CLSPN: variants seen among roughly 807,000 people sequenced by gnomAD.
CLSPN encodes claspin.
CLSPN carries 85 observed loss-of-function variants against 156.3 expected under a neutral mutation model. The ratio of observed to expected loss-of-function variants is 0.54; its 90% CI spans 0.46 to 0.65. The LOEUF is 0.65. CLSPN is among the 30% of genes least tolerant of loss of function. The probability of loss-of-function intolerance (pLI) is 0.00; values close to 1 mark genes in which losing one functional copy is unlikely to be tolerated. For missense variants in CLSPN, 1,407 were observed against 1,554.9 expected (o/e 0.90, Z 1.60); for synonymous variants, 534 against 542.4 (o/e 0.98, Z 0.22).
chr1:35,749,474 G>T lies in CLSPN; in HGVS notation c.2265C>A (p.Ser755Arg), dbSNP rs116366366. 63 of 1,613,988 alleles carry T rather than the reference G, an allele frequency of 3.9e-5. No homozygotes were observed. The African/African-American group carries it at 7.6e-4, about 19-fold the overall frequency. Residue 755 changes from serine to arginine, a missense_variant, in exon 12 of 25, where the codon AGC becomes AGA. Ser to Arg is a moderately radical substitution (Grantham distance 110, BLOSUM62 -1). This residue lies in a region of CLSPN where 1,096 missense variants were observed against 1,193.0 expected (regional missense o/e 0.92). Transcript: ENST00000318121. ...ACAAGAATCACTACTTACCCAGTTTGCTAGGCTGCTTGCCTGAGTTTTCAT... is the reference window on the plus strand; with the variant it reads ...ACAAGAATCACTACTTACCCAGTTTTCTAGGCTGCTTGCCTGAGTTTTCAT... Reference protein sequence around the residue: ...ETDENSGKQPSKLDEDDSCSL... With the variant: ...ETDENSGKQPRKLDEDDSCSL...
chr1:35,741,403 C>T (rs1641684765), intron 18 of CLSPN, among the ~76,000 whole-genome samples: 1 of 152,114 alleles, frequency 6.6e-6, no homozygotes, highest in Non-Finnish European at 1.5e-5. Flanking sequence ...ACTGCACCCT[C>T]CACCTCCCGG....
Position 35,764,367 on chromosome 1 carries a change from T to A in CLSPN, c.481A>T (p.Thr161Ser). 6.2e-7 allele frequency: 1 copy of A among 1,610,790 alleles called. No homozygotes were observed. The highest frequency in any genetic ancestry group is 1.1e-5 in the South Asian group (1 of 89,634). The change falls in exon 3 of 25, where the codon ACT becomes TCT. Residue 161 changes from threonine (T) to serine (S), a missense_variant. Physicochemically the swap from Thr to Ser is moderately conservative, Grantham distance 58 (BLOSUM62 1). Around this residue, in one of 3 missense-constraint regions of CLSPN, gnomAD observed 1,096 missense variants for 1,193.0 expected, o/e 0.92. Transcript: ENST00000318121. ...SKKHIHDKEG[T>S]AGKAKVKSKR... ...GATTTTACTTTTGCTTTTCCTGCAG[T>A]TCCTTCTTTATCATGTATGTGCTTT...
chr1:35,758,767 T>G (rs1030371825), intron 8 of CLSPN, among the ~76,000 whole-genome samples: 4 of 151,646 alleles, frequency 2.6e-5, no homozygotes, highest in Non-Finnish European at 5.9e-5. Flanking sequence ...ATCTTCACCA[T>G]AGCCCACAAG....
At chr1:35,748,275 T>C in intron 13 of CLSPN, 130 bp downstream of exon 13, 1 of 1,005,394 alleles carries the variant, frequency 9.9e-7, no homozygotes, top group Non-Finnish European at 1.5e-6. Context: ...ACAAAGGGGG[T>C]GGATTTTTTA....
intron 8 of CLSPN, among the ~76,000 whole-genome samples, chr1:35,754,274 T>A (rs1247618524): frequency 6.6e-6 from 1 of 152,222 alleles, no homozygotes; most frequent in Non-Finnish European, 1.5e-5. Context: ...AAGATTATAA[T>A]CTCATCTATT....
rs757057393 is a variant in CLSPN at position 35,763,369 on chromosome 1, A to G, written c.583-48T>C. 29 of 1,408,002 alleles carry G rather than the reference A, an allele frequency of 2.1e-5. No homozygotes were observed. In the East Asian group the frequency reaches 5.1e-4, roughly 25 times the overall value. 87.2% of individuals were successfully genotyped at this position (1,408,002 alleles called of 1,614,324 possible). A position where few individuals can be genotyped will look rare whatever the true frequency, so the allele number is the denominator to read the frequency against. The stretch of plus-strand genomic sequence containing the variant: ...GCATAATCCAATCATTTAAAAATCC[A>G]GTATTTCACAACATCATATGGCAAT... On this transcript the variant is annotated intron_variant, in intron 3 of 24. Coordinates refer to ENST00000318121, the MANE Select transcript of CLSPN (RefSeq NM_022111.4).
In CLSPN at chr1:35,746,402, CT is replaced by C. The variant is rs1641882921; in HGVS notation, c.2854+363del. 2.0e-5 allele frequency among the ~76,000 whole-genome samples: 3 copies of C among 151,558 alleles called. No individual in the cohort carries two copies. In the South Asian group the frequency reaches 6.3e-4, roughly 32 times the overall value. On this transcript the variant is annotated intron_variant, in intron 15 of 24. Coordinates refer to ENST00000318121, the MANE Select transcript of CLSPN (RefSeq NM_022111.4). This position sits in a 1 kb window ranked among gnomAD's most constrained non-coding sequence, Gnocchi z 4.2. ...GGTAAGGGGCTTCTTTTCTTTCTTT[CT>C]TTTTTTCTATTTTTATGCAGGGTCT...
Position 35,769,898 on chromosome 1 carries a change from G to A in CLSPN, c.-28C>T. 6.2e-7 allele frequency: 1 copy of A among 1,608,246 alleles called. No individual in the cohort carries two copies. On this transcript the variant is annotated 5_prime_UTR_variant, in exon 1 of 25. Transcript: ENST00000318121. ...CTTCTGCCTCCCCTGCGCTCCACTA[G>A]GGACGGAGCTGTCTCTGATTCCCTC...
At position 35,733,444 on chromosome 1, in the gene CLSPN, C is replaced by T. The variant is rs1641369113; in HGVS notation, c.*3052G>A. The T allele has an allele frequency of 1.0e-6, 1 of 984,606 alleles. No homozygotes were observed. The highest frequency in any genetic ancestry group is 1.2e-6 in the Non-Finnish European group (1 of 829,778). The allele number at this position is 984,606 out of a possible 1,614,324, so 61.0% of individuals were successfully genotyped here. On this transcript the variant is annotated 3_prime_UTR_variant, in exon 25 of 25. Coordinates refer to ENST00000318121, the MANE Select transcript of CLSPN (RefSeq NM_022111.4). ...TGCTGGCGTGAGCCACCGGACCTGG[C>T]TGAATTTTCTTATCCTCAGTTGTCA...
intron 24 of CLSPN, among the ~76,000 whole-genome samples, chr1:35,724,017 G>A (rs1641127437): frequency 1.3e-5 from 2 of 152,040 alleles, no homozygotes; most frequent in African/African-American, 4.8e-5. Flanking sequence ...CAGAAGAGTG[G>A]GCTATAACAA....
Position 35,733,711 on chromosome 1 carries a change from G to C in CLSPN, c.*2785C>G. The C allele has an allele frequency of 1.0e-6, 1 of 985,300 alleles. No individual in the cohort carries two copies. Among genetic ancestry groups the C allele is most frequent in the Non-Finnish European group, 1.2e-6 (1 of 829,796 alleles). The allele number at this position is 985,300 out of a possible 1,614,324, so 61.0% of individuals were successfully genotyped here. A position where few individuals can be genotyped will look rare whatever the true frequency, so the allele number is the denominator to read the frequency against. On this transcript the variant is annotated 3_prime_UTR_variant, in exon 25 of 25. Transcript: ENST00000318121. Reference sequence around the variant, plus strand: ...AAGCTGTAACAGGCTGGGCATGGTGGCTGAGCCTGTGACCCCAGCATTTTG... The same window carrying C: ...AAGCTGTAACAGGCTGGGCATGGTGCCTGAGCCTGTGACCCCAGCATTTTG...
intron 8 of CLSPN, among the ~76,000 whole-genome samples, chr1:35,758,801 CT>C (rs34271691): frequency 9.3e-4 from 129 of 138,266 alleles, no homozygotes; most frequent in African/African-American, 2.0e-3. Flanking sequence ...TTTTCTTTTT[CT>C]TTTTTTTTTT....
exon 25 of CLSPN, chr1:35,720,810 A>T: frequency 1.0e-6 from 1 of 992,548 alleles, no homozygotes; most frequent in South Asian, 1.5e-5. Context: ...TGCCCAGACC[A>T]CAGAGCCATA....
chr1:35,769,812 C>G, intron 1 of CLSPN, 35 bp downstream of exon 1: 1 of 1,582,592 alleles, frequency 6.3e-7, no homozygotes, highest in Non-Finnish European at 8.6e-7. Context: ...GCCCGGCCTT[C>G]TAAGCCCCCG....
intron 10 of CLSPN, 61 bp from the exon 11 acceptor site, chr1:35,749,872 C>G: frequency 6.5e-7 from 1 of 1,547,448 alleles, no homozygotes; most frequent in East Asian, 2.3e-5. Context: ...AAAGCAAATA[C>G]ACTGGTAGCC....
In CLSPN at chr1:35,743,185, A is replaced by G; in HGVS notation, c.3099T>C (p.Asp1033=). 1.2e-6 allele frequency: 2 copies of G among 1,614,096 alleles called. No homozygotes were observed. The highest frequency in any genetic ancestry group is 1.6e-4 in the Middle Eastern group (1 of 6,062). Residue 1033 remains aspartate, a synonymous_variant, in exon 18 of 25, where the codon GAT becomes GAC. Coordinates refer to ENST00000318121, the MANE Select transcript of CLSPN (RefSeq NM_022111.4). The stretch of plus-strand genomic sequence containing the variant: ...CAGATCGCTTCAGGAGTTCTTCTTC[A>G]TCATCATCTTCATGGTCTTCCAGTG... The part of the protein sequence containing the change: ...DLALEDHEDD[D]EEELLKRSEK...
rs1307518079 is a variant in CLSPN at position 35,746,229 on chromosome 1, G to A, written c.2854+537C>T. On this transcript the variant is annotated intron_variant, in intron 15 of 24. Coordinates refer to ENST00000318121, the MANE Select transcript of CLSPN (RefSeq NM_022111.4). This position sits in a 1 kb window ranked among gnomAD's most constrained non-coding sequence, Gnocchi z 4.2. ...CAAAGTGCTGGGATTACAGGCGTGA[G>A]CCACTGCGCCCGGCCTAAAGTAGTC... 6.6e-6 allele frequency among the ~76,000 whole-genome samples: 1 copy of A among 152,194 alleles called. No individual in the cohort carries two copies. Among genetic ancestry groups the A allele is most frequent in the African/African-American group, 2.4e-5 (1 of 41,444 alleles).
chr1:35,762,169 A>G, intron 5 of CLSPN, 99 bp from the exon 6 acceptor site: 1 of 973,032 alleles, frequency 1.0e-6, no homozygotes. Context: ...GAAAAGAGGA[A>G]AGGAAATAGT....
chr1:35,758,864 T>G (rs1168355043), intron 8 of CLSPN, among the ~76,000 whole-genome samples: 1 of 150,170 alleles, frequency 6.7e-6, no homozygotes, highest in Non-Finnish European at 1.5e-5. Flanking sequence ...ACTCCTGGGT[T>G]CAAGTGACCC....
Sources: allele counts gnomAD v4.1 joint callset (sites outside exome capture counted in the v4.1 genomes callset), GRCh38; gene constraint gnomAD v4.1.1; regional missense constraint gnomAD v4.1.1; non-coding constraint Gnocchi (gnomAD v3.1); transcripts MANE v1.5; gene names NCBI Gene and HGNC (gene_info 2026-07-23, HGNC 2026-07-21).